Variants in ABL2 observed in about 807,000 individuals in gnomAD.
The protein encoded by ABL2 is ABL proto-oncogene 2, non-receptor tyrosine kinase.
ABL2 carries 49 observed loss-of-function variants against 107.7 expected under a neutral mutation model. That is an observed-to-expected ratio of 0.45 (90% CI 0.36 to 0.58). The LOEUF is 0.58. Ranked by LOEUF, ABL2 falls within the 20% of genes least tolerant of loss-of-function variation. ABL2 has a pLI of 0.00. For missense variants in ABL2, 1,245 were observed against 1,457.0 expected (o/e 0.85, Z 2.37); for synonymous variants, 549 against 548.6 (o/e 1.00, Z -0.01).
chr1:179,209,250 A>C (rs1252709388), intron 1 of ABL2, among the ~76,000 whole-genome samples: 1 of 152,198 alleles, frequency 6.6e-6, no homozygotes, highest in East Asian at 1.9e-4. Context: ...CTTATCTCTG[A>C]AGACACAGGG....
intron 1 of ABL2, among the ~76,000 whole-genome samples, chr1:179,178,001 T>G (rs994555712): frequency 6.6e-6 from 1 of 152,194 alleles, no homozygotes; most frequent in Admixed American, 6.5e-5. Flanking sequence ...TATACTAATA[T>G]TTCTGCAGGG....
chr1:179,110,577 G>T, intron 10 of ABL2, 122 bp from the exon 11 acceptor site: 1 of 1,501,152 alleles, frequency 6.7e-7, no homozygotes, highest in East Asian at 2.3e-5. Flanking sequence ...ATACATACAC[G>T]GAATCATAAA....
intron 1 of ABL2, chr1:179,221,292 A>G: frequency 6.4e-6 from 1 of 157,346 alleles, no homozygotes; most frequent in Non-Finnish European, 1.4e-5. Context: ...ACATACAAAA[A>G]CCTGACCTTG....
At chr1:179,122,739 C>T (rs942528608) in intron 4 of ABL2, among the ~76,000 whole-genome samples, 5 of 151,928 alleles carry the variant, frequency 3.3e-5, no homozygotes, top group Non-Finnish European at 4.4e-5. Context: ...CTGCAACCTC[C>T]GCCTCCTGGG....
In ABL2 at chr1:179,103,220, CT is replaced by C; in HGVS notation, c.*4497del. The C allele has an allele frequency of 4.8e-6, 1 of 210,096 alleles. No homozygotes were observed. The highest frequency in any genetic ancestry group is 9.7e-6 in the Non-Finnish European group (1 of 103,360). 13.0% of individuals were successfully genotyped at this position (210,096 alleles called of 1,614,324 possible). A position where few individuals can be genotyped will look rare whatever the true frequency, so the allele number is the denominator to read the frequency against. On this transcript the variant is annotated 3_prime_UTR_variant, in exon 12 of 12. Coordinates refer to ENST00000502732, the MANE Select transcript of ABL2 (RefSeq NM_007314.4). ...GAAGTAATTCAGCTCTGAACTACAA[CT>C]TTAGCAAACACTTGCTATACCTGCT...
chr1:179,174,713 G>A (rs1659933174), intron 1 of ABL2, among the ~76,000 whole-genome samples: 1 of 151,550 alleles, frequency 6.6e-6, no homozygotes, highest in African/African-American at 2.4e-5. Flanking sequence ...TTGGGAGGTT[G>A]AGGTGGGCTG....
chr1:179,194,769 C>G (rs1661207582), intron 1 of ABL2, among the ~76,000 whole-genome samples: 1 of 151,568 alleles, frequency 6.6e-6, no homozygotes, highest in Non-Finnish European at 1.5e-5. Context: ...TACTCAGGAA[C>G]AAATATGTTG....
chr1:179,109,333 G>C lies in ABL2; in HGVS notation c.1934C>G (p.Thr645Ser). 6.2e-7 allele frequency: 1 copy of C among 1,614,004 alleles called. No individual in the cohort carries two copies. Among genetic ancestry groups the C allele is most frequent in the African/African-American group, 1.3e-5 (1 of 74,964 alleles). ...LLEDAKETCFTRDRKGGFFSS... is the reference protein window; with the variant it reads ...LLEDAKETCFSRDRKGGFFSS... Reference sequence around the variant, plus strand: ...GAAGAAGCCCCCCTTCCTATCCCTGGTGAAGCATGTCTCTTTGGCATCTTC... The same window carrying C: ...GAAGAAGCCCCCCTTCCTATCCCTGCTGAAGCATGTCTCTTTGGCATCTTC... The change falls in exon 12 of 12, where the codon ACC becomes AGC. Residue 645 changes from threonine (T) to serine (S), a missense_variant. Physicochemically the swap from Thr to Ser is moderately conservative, Grantham distance 58. Around this residue, in one of 3 missense-constraint regions of ABL2, gnomAD observed 761 missense variants for 766.4 expected, o/e 0.99. Coordinates refer to ENST00000502732, the MANE Select transcript of ABL2 (RefSeq NM_007314.4).
chr1:179,172,151 A>G (rs1163253587), intron 1 of ABL2, among the ~76,000 whole-genome samples: 2 of 152,218 alleles, frequency 1.3e-5, no homozygotes, highest in African/African-American at 4.8e-5. Context: ...CAAATAGCAA[A>G]GACTAGAATT....
chr1:179,226,586 C>T (rs746602781), intron 1 of ABL2, among the ~76,000 whole-genome samples: 30 of 152,164 alleles, frequency 2.0e-4, no homozygotes, highest in Admixed American at 1.7e-3. Flanking sequence ...GGATTACAGG[C>T]GTGAGCCACC....
chr1:179,135,879 G>A (rs1362764832), intron 1 of ABL2, among the ~76,000 whole-genome samples: 1 of 146,500 alleles, frequency 6.8e-6, no homozygotes, highest in Non-Finnish European at 1.5e-5. Context: ...GAGGTGAGGG[G>A]GCGCCTCTGC....
At chr1:179,215,564 T>C (rs766597931) in intron 1 of ABL2, among the ~76,000 whole-genome samples, 1 of 151,874 alleles carries the variant, frequency 6.6e-6, no homozygotes, top group Non-Finnish European at 1.5e-5. Flanking sequence ...CTTTCTCTAC[T>C]AAAAATACAA....
At chr1:179,200,881 C>T (rs1257781093) in intron 1 of ABL2, among the ~76,000 whole-genome samples, 1 of 152,200 alleles carries the variant, frequency 6.6e-6, no homozygotes, top group Non-Finnish European at 1.5e-5. Context: ...AGTGGAGTCA[C>T]ACAAGACATA....
At chr1:179,157,707 CTTT>C (rs11411364) in intron 1 of ABL2, among the ~76,000 whole-genome samples, 2 of 142,684 alleles carry the variant, frequency 1.4e-5, no homozygotes, top group Non-Finnish European at 1.5e-5. Flanking sequence ...ATTACAGAAT[CTTT>C]TTTTTTTTTT....
intron 1 of ABL2, among the ~76,000 whole-genome samples, chr1:179,181,311 A>G (rs543885791): frequency 6.6e-5 from 10 of 152,352 alleles, no homozygotes; most frequent in Non-Finnish European, 7.3e-5. Flanking sequence ...TTGGTAATGT[A>G]TATTTGTCAA....
At chr1:179,149,580 T>C (rs1658238894) in intron 1 of ABL2, among the ~76,000 whole-genome samples, 2 of 152,222 alleles carry the variant, frequency 1.3e-5, no homozygotes, top group African/African-American at 4.8e-5. Context: ...GTTGATTCTC[T>C]GGTTAGGGGT....
chr1:179,213,801 A>G (rs1056828396), intron 1 of ABL2, among the ~76,000 whole-genome samples: 3 of 152,056 alleles, frequency 2.0e-5, no homozygotes, highest in Non-Finnish European at 4.4e-5. Context: ...AAAAGAGTCC[A>G]GGCGTGGTGG....
At chr1:179,115,984 C>T (rs986880649) in intron 8 of ABL2, among the ~76,000 whole-genome samples, 2 of 151,776 alleles carry the variant, frequency 1.3e-5, no homozygotes, top group East Asian at 3.9e-4. Context: ...CAGTAGAAAC[C>T]AGATCAATTA....
chr1:179,166,508 G>C (rs1005360102), intron 1 of ABL2, among the ~76,000 whole-genome samples: 3 of 152,170 alleles, frequency 2.0e-5, no homozygotes, highest in Non-Finnish European at 4.4e-5. Flanking sequence ...GCAGGGCGCG[G>C]TGGCTCACGC....
Sources: gnomAD v4.1 joint callset for allele counts (sites outside exome capture counted in the v4.1 genomes callset) on GRCh38, gnomAD v4.1.1 for gene constraint, gnomAD v4.1.1 regional missense constraint, MANE v1.5 for transcripts, NCBI Gene and HGNC (gene_info 2026-07-23, HGNC 2026-07-21) for gene names.